The following CLIC6 variants were observed in gnomAD, a reference collection of about 807,000 sequenced individuals.
CLIC6 encodes the protein CLIC family member 6.
CLIC6 carries 39 observed loss-of-function variants against 49.2 expected under a neutral mutation model. The ratio of observed to expected loss-of-function variants is 0.79; its 90% confidence interval spans 0.61 to 1.04. CLIC6 has a LOEUF of 1.04. Ranked by LOEUF, CLIC6 falls within the 50% of genes least tolerant of loss-of-function variation. The pLI is 0.00. For missense variants in CLIC6, 988 were observed against 993.1 expected (o/e 0.99, Z 0.07); for synonymous variants, 446 against 433.4 (o/e 1.03, Z -0.36).
intron 1 of CLIC6, among the ~76,000 whole-genome samples, chr21:34,688,067 C>A (rs939011617): frequency 2.0e-5 from 3 of 151,444 alleles, no homozygotes; most frequent in African/African-American, 7.3e-5. Flanking sequence ...TATTTATTTA[C>A]AAAAAAAAAT....
At chr21:34,707,468 C>CACACACCT (rs1184239105) in intron 2 of CLIC6, 79 bp downstream of exon 2, 1 of 888,158 alleles carries the variant, frequency 1.1e-6, no homozygotes, top group Non-Finnish European at 1.8e-6. Context: ...CACACACACA[C>CACACACCT]ACCTGAGGCC....
chr21:34,673,447 G>A (rs957117889), intron 1 of CLIC6, among the ~76,000 whole-genome samples: 12 of 150,782 alleles, frequency 8.0e-5, no homozygotes, highest in Admixed American at 4.6e-4. Flanking sequence ...GCGCCACCAC[G>A]TCTGGCTAAT....
intron 1 of CLIC6, among the ~76,000 whole-genome samples, chr21:34,698,538 AAGAC>A (rs1378909412): frequency 1.3e-5 from 2 of 152,136 alleles, no homozygotes; most frequent in African/African-American, 2.4e-5. Context: ...ATGAAAGAGA[AAGAC>A]AGACGGAAGG....
rs538014582 is a variant in CLIC6 at position 34,716,564 on chromosome 21, G to A, written c.*82G>A. On this transcript the variant is annotated 3_prime_UTR_variant, in exon 6 of 6. Transcript: ENST00000349499. ...TGTGTTTGAAAACAAATTAGGTTTG[G>A]GTTCAATTCCTTCAATTTTTAAAAA... is the stretch of plus-strand genomic sequence containing the variant. The A allele has an allele frequency of 3.4e-6, 4 of 1,171,186 alleles. No individual in the cohort carries two copies. The highest frequency in any genetic ancestry group is 1.6e-5 in the African/African-American group (1 of 63,248). The allele number at this position is 1,171,186 out of a possible 1,614,324, so 72.5% of individuals were successfully genotyped here. A position where few individuals can be genotyped will look rare whatever the true frequency, so the allele number is the denominator to read the frequency against.
Position 34,670,639 on chromosome 21 carries a change from G to A in CLIC6, c.1251G>A (p.Leu417=), listed in dbSNP as rs779769206. 1.9e-6 allele frequency: 3 copies of A among 1,554,244 alleles called. No individual in the cohort carries two copies. The highest frequency in any genetic ancestry group is 1.2e-5 in the South Asian group (1 of 85,112). The change falls in exon 1 of 6, where the codon CTG becomes CTA. Residue 417 remains leucine (L), a synonymous_variant. Transcript: ENST00000349499. ...CTGAGGCCCAGCTCAGCAACCACCT[G>A]GCCGAGGAGGGCCCCGCCGAGGGTA... ...AEPEAQLSNH[L]AEEGPAEGSG... is the part of the protein sequence containing the mutation.
In CLIC6 at chr21:34,669,035, C is replaced by T. The variant is rs1271408531; in HGVS notation, c.-354C>T. Among the ~76,000 whole-genome samples the T allele has an allele frequency of 5.9e-5, 9 of 152,172 alleles. No individual in the cohort carries two copies. Among genetic ancestry groups the T allele is most frequent in the Non-Finnish European group, 1.0e-4 (7 of 68,032 alleles). ...ACAGCGGGCCGGGCACTTCCAAAGGCGCAGGAGCGAAGCAGCCCTCTCCAG... is the reference window on the plus strand; with the variant it reads ...ACAGCGGGCCGGGCACTTCCAAAGGTGCAGGAGCGAAGCAGCCCTCTCCAG... On this transcript the variant is annotated 5_prime_UTR_variant, in exon 1 of 6. Coordinates refer to ENST00000349499, the MANE Select transcript of CLIC6 (RefSeq NM_053277.3).
At chr21:34,701,855 C>A (rs1268219986) in intron 1 of CLIC6, among the ~76,000 whole-genome samples, 1 of 152,152 alleles carries the variant, frequency 6.6e-6, no homozygotes, top group East Asian at 1.9e-4. Context: ...AACCATCAGA[C>A]TGGGGGCTGG....
At chr21:34,715,357 G>A (rs2056080061) in intron 5 of CLIC6, among the ~76,000 whole-genome samples, 2 of 152,172 alleles carry the variant, frequency 1.3e-5, no homozygotes, top group Admixed American at 6.5e-5. Flanking sequence ...AATCCAGGAT[G>A]GCCAGTATCG....
intron 1 of CLIC6, among the ~76,000 whole-genome samples, chr21:34,703,450 G>A (rs2055993365): frequency 6.6e-6 from 1 of 151,844 alleles, no homozygotes; most frequent in South Asian, 2.1e-4. Context: ...GGTCTGCGTC[G>A]GGATGCCAGG....
At chr21:34,711,433 G>A (rs1469728983) in intron 5 of CLIC6, among the ~76,000 whole-genome samples, 3 of 152,086 alleles carry the variant, frequency 2.0e-5, no homozygotes, top group Non-Finnish European at 4.4e-5. Flanking sequence ...TTGGGAGGCT[G>A]AGGCACGAGA....
At chr21:34,682,339 T>A (rs111685950) in intron 1 of CLIC6, among the ~76,000 whole-genome samples, 2 of 152,226 alleles carry the variant, frequency 1.3e-5, no homozygotes, top group African/African-American at 2.4e-5. Context: ...ATATTTTGAA[T>A]CTGAGAGGTG....
intron 1 of CLIC6, among the ~76,000 whole-genome samples, chr21:34,698,621 C>T (rs969946927): frequency 3.9e-5 from 6 of 152,080 alleles, no homozygotes; most frequent in African/African-American, 1.2e-4. Context: ...TTCTAGGCGT[C>T]GTATGTGTAC....
At chr21:34,676,840 C>G (rs1269541613) in intron 1 of CLIC6, among the ~76,000 whole-genome samples, 1 of 152,074 alleles carries the variant, frequency 6.6e-6, no homozygotes, top group Non-Finnish European at 1.5e-5. Context: ...TCTCTGAACT[C>G]CTGTCATATT....
intron 3 of CLIC6, 62 bp from the exon 4 acceptor site, chr21:34,708,638 T>C (rs951219801): frequency 8.8e-6 from 10 of 1,131,348 alleles, no homozygotes; most frequent in African/African-American, 3.1e-5. Flanking sequence ...TTCTCCATTG[T>C]ATAGTATTAT....
Position 34,700,823 on chromosome 21 carries a change from G to A in CLIC6, c.1375-6457G>A, listed in dbSNP as rs926441910. ...TTCTGGAAAAGGAAGCAGTTCTCTGGACGCTTGCCACCTCCGCCACGGGTC... is the reference window on the plus strand; with the variant it reads ...TTCTGGAAAAGGAAGCAGTTCTCTGAACGCTTGCCACCTCCGCCACGGGTC... On this transcript the variant is annotated intron_variant, in intron 1 of 5. Transcript: ENST00000349499. 1.4e-5 allele frequency among the ~76,000 whole-genome samples: 2 copies of A among 139,760 alleles called. 1 individual carries two copies. Among genetic ancestry groups the A allele is most frequent in the Non-Finnish European group, 3.1e-5 (2 of 64,640 alleles). The allele number at this position is 139,760 out of a possible 152,430, so 91.7% of individuals were successfully genotyped here.
In CLIC6 at chr21:34,716,831, TTC is replaced by T. The variant is rs142197835; in HGVS notation, c.*377_*378del. On this transcript the variant is annotated 3_prime_UTR_variant, in exon 6 of 6. Transcript: ENST00000349499. ...CATGTTCCAAATCTTCAGTATCTTG[TTC>T]TCTCTCTCTCTCTCTCTCTCTCTCT... The T allele has an allele frequency of 7.5e-3, 1,002 of 133,724 alleles. 6 individuals carry two copies. The highest frequency in any genetic ancestry group is 0.016 in the African/African-American group (509 of 31,924). The allele number at this position is 133,724 out of a possible 1,614,324, so 8.3% of individuals were successfully genotyped here. A position where few individuals can be genotyped will look rare whatever the true frequency, so the allele number is the denominator to read the frequency against.
Position 34,669,470 on chromosome 21 carries a change from C to G in CLIC6, c.82C>G (p.Pro28Ala), listed in dbSNP as rs1989480932. The G allele has an allele frequency of 8.1e-7, 1 of 1,234,592 alleles. No homozygotes were observed. The highest frequency in any genetic ancestry group is 4.2e-5 in the Admixed American group (1 of 23,696). The allele number at this position is 1,234,592 out of a possible 1,614,324, so 76.5% of individuals were successfully genotyped here. Reference protein sequence around the residue: ...PEVPAPLAERPGEPGAAGGEA... With the variant: ...PEVPAPLAERAGEPGAAGGEA... ...GGTCCCCGCGCCTCTGGCTGAGAGACCCGGAGAGCCAGGAGCCGCGGGCGG... is the reference window on the plus strand; with the variant it reads ...GGTCCCCGCGCCTCTGGCTGAGAGAGCCGGAGAGCCAGGAGCCGCGGGCGG... The change falls in exon 1 of 6, where the codon CCC becomes GCC. Residue 28 changes from proline to alanine, a missense_variant. Transcript: ENST00000349499.
intron 1 of CLIC6, among the ~76,000 whole-genome samples, chr21:34,694,272 C>T (rs1350805030): frequency 6.6e-6 from 1 of 151,430 alleles, no homozygotes; most frequent in African/African-American, 2.4e-5. Context: ...AGCCATCGCG[C>T]CCGGCCAAGA....
Position 34,706,176 on chromosome 21 carries a change from C to T in CLIC6, c.1375-1104C>T, listed in dbSNP as rs933213681. Reference sequence around the variant, plus strand: ...GGCATCTGCTCAGCTTCTGGGGCAGCCTCACAAAGCTCACAGTCGTGGAGG... The same window carrying T: ...GGCATCTGCTCAGCTTCTGGGGCAGTCTCACAAAGCTCACAGTCGTGGAGG... On this transcript the variant is annotated intron_variant, in intron 1 of 5. Coordinates refer to ENST00000349499, the MANE Select transcript of CLIC6 (RefSeq NM_053277.3). 2.0e-5 allele frequency: 11 copies of T among 555,952 alleles called. No individual in the cohort carries two copies. In the East Asian group the frequency reaches 3.3e-4, roughly 17 times the overall value. The allele number at this position is 555,952 out of a possible 1,614,324, so 34.4% of individuals were successfully genotyped here.
Sources: gnomAD v4.1 joint callset for allele counts (sites outside exome capture counted in the v4.1 genomes callset) on GRCh38, gnomAD v4.1.1 for gene constraint, MANE v1.5 for transcripts, NCBI Gene and HGNC (gene_info 2026-07-23, HGNC 2026-07-21) for gene names.